EPHA5: variants seen among roughly 807,000 people sequenced by gnomAD.
EPHA5 encodes the protein ephrin type-A receptor 5.
EPHA5 carries 60 observed loss-of-function variants against 105.0 expected under a neutral mutation model. The observed-to-expected ratio is 0.57, with a 90% CI of 0.46 to 0.71. The LOEUF (loss-of-function observed/expected upper bound fraction) is 0.71, where lower values mean the gene tolerates loss of function less well. Among genes scored for constraint, EPHA5 ranks in the 30% least tolerant of loss-of-function variants. EPHA5 has a pLI of 0.00. For synonymous variants in EPHA5, 513 were observed against 449.1 expected, an observed-to-expected ratio of 1.14 and a Z score of -1.80; for missense variants, 1,218 against 1,274.7, an observed-to-expected ratio of 0.96 and a Z score of 0.68.
rs967120974 is a variant in EPHA5, at chr4:65,635,633, A to T, written c.246+7730T>A. ...AGAGCAATAGTGGAATTTCTAAGAC[A>T]TGAGATCACAAACTGTTCTAAGCAA... On this transcript the variant is annotated intron_variant, in intron 2 of 16. Coordinates refer to ENST00000613740, the MANE Select transcript of EPHA5 (RefSeq NM_001281766.3). Among the ~76,000 whole-genome samples, 3 of 152,166 alleles carry T rather than the reference A, an allele frequency of 2.0e-5. No individual in the cohort carries two copies. The East Asian group carries it at 5.8e-4, about 29-fold the overall frequency.
At chr4:65,573,775 T>A in intron 3 of EPHA5, 2 of 1,608,544 alleles carry the variant, frequency 1.2e-6, no homozygotes, top group Non-Finnish European at 8.5e-7. Flanking sequence ...GGTACCCGGG[T>A]GGTTAAACTT....
intron 2 of EPHA5, among the ~76,000 whole-genome samples, chr4:65,610,619 A>T (rs1744680103): frequency 6.6e-6 from 1 of 152,186 alleles, no homozygotes; most frequent in Admixed American, 6.5e-5. Flanking sequence ...AATGCAAACT[A>T]TCAGTCAATA....
chr4:65,404,266 A>G (rs1722137261), intron 8 of EPHA5, 108 bp downstream of exon 8: 2 of 756,642 alleles, frequency 2.6e-6, no homozygotes, highest in Admixed American at 2.1e-5. Flanking sequence ...ATCTGCTGAT[A>G]TATTGCTTGC....
At chr4:65,360,957 C>G (rs1314812791) in intron 11 of EPHA5, among the ~76,000 whole-genome samples, 3 of 151,542 alleles carry the variant, frequency 2.0e-5, no homozygotes, top group African/African-American at 7.3e-5. Context: ...TATGAAGTAA[C>G]ATATAGCATG....
At chr4:65,470,591 A>T (rs532563352) in intron 5 of EPHA5, among the ~76,000 whole-genome samples, 2 of 152,208 alleles carry the variant, frequency 1.3e-5, no homozygotes, top group Admixed American at 6.5e-5. Flanking sequence ...AAGATAGCAC[A>T]GTGACATATA....
intron 1 of EPHA5, among the ~76,000 whole-genome samples, chr4:65,644,350 T>C (rs1368482938): frequency 2.6e-5 from 4 of 152,032 alleles, no homozygotes. Flanking sequence ...GATCATTATT[T>C]TTCCAACCTA....
At chr4:65,390,397 G>T (rs983849684) in intron 8 of EPHA5, among the ~76,000 whole-genome samples, 7 of 152,086 alleles carry the variant, frequency 4.6e-5, no homozygotes, top group Middle Eastern at 3.4e-3. Context: ...CTCACTCCTA[G>T]ACTTTCCCCT....
chr4:65,602,812 G>T (rs1743868878), intron 2 of EPHA5, among the ~76,000 whole-genome samples: 2 of 152,086 alleles, frequency 1.3e-5, no homozygotes. Flanking sequence ...ATTTAAATCT[G>T]TCATGTCACA....
At chr4:65,328,565 G>T (rs1720301098) in intron 16 of EPHA5, among the ~76,000 whole-genome samples, 1 of 151,154 alleles carries the variant, frequency 6.6e-6, no homozygotes, top group African/African-American at 2.4e-5. Context: ...TAGGAGAAGG[G>T]AGAAGACAGA....
intron 3 of EPHA5, among the ~76,000 whole-genome samples, chr4:65,519,942 G>A (rs1734512711): frequency 6.6e-6 from 1 of 152,116 alleles, no homozygotes; most frequent in Non-Finnish European, 1.5e-5. Context: ...TGTGAAAATG[G>A]CCATACTGCC....
chr4:65,580,751 C>T (rs1303884383), intron 3 of EPHA5, among the ~76,000 whole-genome samples: 1 of 151,070 alleles, frequency 6.6e-6, no homozygotes, highest in African/African-American at 2.4e-5. Context: ...CCTTATCAGC[C>T]TGGAGATGGC....
At chr4:65,383,151 A>G (rs1049089237) in intron 8 of EPHA5, among the ~76,000 whole-genome samples, 1 of 150,430 alleles carries the variant, frequency 6.6e-6, no homozygotes, top group Non-Finnish European at 1.5e-5. Context: ...GAAGACTTCA[A>G]TAATGATGTA....
chr4:65,476,143 T>A (rs184351858), intron 5 of EPHA5, among the ~76,000 whole-genome samples: 1 of 151,490 alleles, frequency 6.6e-6, no homozygotes, highest in African/African-American at 2.4e-5. Context: ...TGTGTGTGTG[T>A]GTGTGTGTGT....
chr4:65,557,010 G>A (rs1425125519), intron 3 of EPHA5, among the ~76,000 whole-genome samples: 1 of 151,564 alleles, frequency 6.6e-6, no homozygotes, highest in Non-Finnish European at 1.5e-5. Context: ...CCTTTATTCG[G>A]ACAATTACAG....
At chr4:65,508,055 A>C (rs1733241767) in intron 3 of EPHA5, among the ~76,000 whole-genome samples, 1 of 152,032 alleles carries the variant, frequency 6.6e-6, no homozygotes, top group Non-Finnish European at 1.5e-5. Context: ...CTAAATACTC[A>C]TGAAATAACC....
At chr4:65,409,111 A>G (rs1363248329) in intron 7 of EPHA5, among the ~76,000 whole-genome samples, 2 of 137,482 alleles carry the variant, frequency 1.5e-5, no homozygotes, top group East Asian at 4.3e-4. Flanking sequence ...AACACCGCAT[A>G]TTCTCACTCA....
At chr4:65,652,732 A>C (rs989327352) in intron 1 of EPHA5, among the ~76,000 whole-genome samples, 4 of 152,162 alleles carry the variant, frequency 2.6e-5, no homozygotes, top group African/African-American at 9.6e-5. Flanking sequence ...ATAATGCTTC[A>C]ATTTTATTGT....
intron 3 of EPHA5, among the ~76,000 whole-genome samples, chr4:65,506,715 A>C (rs926472703): frequency 1.3e-5 from 2 of 150,718 alleles, no homozygotes; most frequent in Admixed American, 1.3e-4. Flanking sequence ...TTGTTGATGG[A>C]GTTGTTTGTT....
intron 5 of EPHA5, among the ~76,000 whole-genome samples, chr4:65,421,726 T>C (rs1041708416): frequency 6.6e-6 from 1 of 152,118 alleles, no homozygotes; most frequent in South Asian, 2.1e-4. Flanking sequence ...TTAATATGTA[T>C]GCTTCATGAA....
Sources: gnomAD v4.1 joint callset for allele counts (sites outside exome capture counted in the v4.1 genomes callset) on GRCh38, gnomAD v4.1.1 for gene constraint, MANE v1.5 for transcripts, NCBI Gene and HGNC (gene_info 2026-07-23, HGNC 2026-07-21) for gene names.